SMAD5: variants seen among roughly 807,000 people sequenced by gnomAD.
The protein encoded by SMAD5 is MAD, mothers against decapentaplegic homolog 5.
SMAD5 carries 9 observed loss-of-function variants against 43.1 expected under a neutral mutation model. The observed-to-expected ratio is 0.21, with a 90% CI of 0.13 to 0.36. SMAD5 has a LOEUF of 0.36. Among genes scored for constraint, SMAD5 ranks in the 10% least tolerant of loss-of-function variants. SMAD5 has a pLI of 1.00. For synonymous variants in SMAD5, 190 were observed against 192.4 expected (o/e 0.99, Z 0.10); for missense variants, 348 against 574.0 (o/e 0.61, Z 4.02).
At position 136,181,828 on chromosome 5, in the gene SMAD5, T is replaced by C. The variant is rs1481168260; in HGVS notation, c.*4348T>C. On this transcript the variant is annotated 3_prime_UTR_variant, in exon 8 of 8. Coordinates refer to ENST00000545279, the MANE Select transcript of SMAD5 (RefSeq NM_005903.7). ...TATAATTGAAATGACAGCCCAAAAT[T>C]GGATGGTTTACCAAAACCAATGAAA... is the stretch of plus-strand genomic sequence containing the variant. 4 of 152,202 alleles carry C rather than the reference T, an allele frequency of 2.6e-5. No homozygotes were observed. Among genetic ancestry groups the C allele is most frequent in the African/African-American group, 9.6e-5 (4 of 41,466 alleles). The allele number at this position is 152,202 out of a possible 1,614,324, so 9.4% of individuals were successfully genotyped here.
At chr5:136,172,813 G>A (rs561466486) in intron 6 of SMAD5, 158 bp downstream of exon 6, 532 of 606,136 alleles carry the variant, frequency 8.8e-4, no homozygotes, top group Non-Finnish European at 1.4e-3. Flanking sequence ...ATCAAATAAA[G>A]ACATGATGTT....
intron 2 of SMAD5, among the ~76,000 whole-genome samples, chr5:136,149,985 C>T (rs1424044484): frequency 1.3e-5 from 2 of 151,758 alleles, no homozygotes; most frequent in Non-Finnish European, 2.9e-5. Context: ...TCTTTGTTTA[C>T]ATTCTCTTTA....
Position 136,177,327 on chromosome 5 carries a change from A to G in SMAD5, c.1255-10A>G. The G allele has an allele frequency of 6.2e-7, 1 of 1,613,378 alleles. No homozygotes were observed. On this transcript the variant is annotated splice_polypyrimidine_tract_variant and intron_variant, in intron 7 of 7. Coordinates refer to ENST00000545279, the MANE Select transcript of SMAD5 (RefSeq NM_005903.7). ...GAGGGATTTGTGATGATATCTGTTC[A>G]TTTTCATAGGGTTGGGGAGCAGAAT... is the stretch of plus-strand genomic sequence containing the variant.
At chr5:136,143,262 A>G (rs1402133138) in intron 1 of SMAD5, among the ~76,000 whole-genome samples, 1 of 143,552 alleles carries the variant, frequency 7.0e-6, no homozygotes, top group Non-Finnish European at 1.5e-5. Context: ...CATCCCTCGT[A>G]TCTCTTTTTT....
intron 1 of SMAD5, among the ~76,000 whole-genome samples, chr5:136,147,053 G>T (rs1753281706): frequency 6.6e-6 from 1 of 151,540 alleles, no homozygotes; most frequent in Non-Finnish European, 1.5e-5. Flanking sequence ...ATGATTATAG[G>T]TGAGTATACT....
chr5:136,139,627 G>C (rs1405977581), intron 1 of SMAD5, among the ~76,000 whole-genome samples: 1 of 152,060 alleles, frequency 6.6e-6, no homozygotes, highest in Non-Finnish European at 1.5e-5. Context: ...CTGCATCTCT[G>C]AACTGGTCTC....
chr5:136,154,717 T>C (rs1753576173), intron 3 of SMAD5, among the ~76,000 whole-genome samples: 1 of 152,190 alleles, frequency 6.6e-6, no homozygotes. Context: ...TTATGTTTCA[T>C]TTTTTTCTTG....
intron 3 of SMAD5, among the ~76,000 whole-genome samples, chr5:136,154,783 G>A (rs1753578934): frequency 6.6e-6 from 1 of 151,930 alleles, no homozygotes; most frequent in African/African-American, 2.4e-5. Flanking sequence ...GATCACTAGT[G>A]ACTGCCTTTT....
chr5:136,154,163 G>T lies in SMAD5; in HGVS notation c.403G>T (p.Val135Phe), dbSNP rs868480507. ...PYHYKRVESP[V>F]LPPVLVPRHN... Reference sequence around the variant, plus strand: ...CCACTATAAGAGAGTGGAGAGTCCAGGTAGGTCTTATTCCTGAGAAGAATT... The same window carrying T: ...CCACTATAAGAGAGTGGAGAGTCCATGTAGGTCTTATTCCTGAGAAGAATT... Residue 135 changes from valine (V) to phenylalanine (F), a missense_variant and splice_region_variant, in exon 3 of 8, where the codon GTC becomes TTC. This residue lies in a region of SMAD5 where 185 missense variants were observed against 207.0 expected (regional missense o/e 0.89). Transcript: ENST00000545279. The T allele has an allele frequency of 6.6e-7, 1 of 1,518,370 alleles. No homozygotes were observed. The highest frequency in any genetic ancestry group is 2.4e-5 in the East Asian group (1 of 42,246). 94.1% of individuals were successfully genotyped at this position (1,518,370 alleles called of 1,614,324 possible).
chr5:136,164,542 G>A (rs1753931480), intron 5 of SMAD5, among the ~76,000 whole-genome samples: 1 of 152,168 alleles, frequency 6.6e-6, no homozygotes, highest in African/African-American at 2.4e-5. Flanking sequence ...CTTCTTTGAT[G>A]TGTTTATTTT....
intron 7 of SMAD5, among the ~76,000 whole-genome samples, chr5:136,176,530 T>A (rs1754428014): frequency 6.6e-6 from 1 of 151,576 alleles, no homozygotes; most frequent in African/African-American, 2.4e-5. Context: ...ATTTATGATT[T>A]TGATTTTGAT....
In SMAD5 at chr5:136,177,316, G is replaced by A. The variant is rs749159511; in HGVS notation, c.1255-21G>A. The A allele has an allele frequency of 1.9e-6, 3 of 1,611,958 alleles. No individual in the cohort carries two copies. In the East Asian group the frequency reaches 6.7e-5, roughly 36 times the overall value. ...GACAGTTTAAAGAGGGATTTGTGAT[G>A]ATATCTGTTCATTTTCATAGGGTTG... On this transcript the variant is annotated intron_variant, in intron 7 of 7. Coordinates refer to ENST00000545279, the MANE Select transcript of SMAD5 (RefSeq NM_005903.7).
At chr5:136,168,232 A>G (rs1299883851) in intron 5 of SMAD5, among the ~76,000 whole-genome samples, 1 of 152,150 alleles carries the variant, frequency 6.6e-6, no homozygotes, top group Non-Finnish European at 1.5e-5. Flanking sequence ...TAGAGCTTCC[A>G]TGTATCTCTT....
intron 1 of SMAD5, 195 bp downstream of exon 1, chr5:136,133,157 G>C (rs908759509): frequency 1.3e-5 from 2 of 152,474 alleles, no homozygotes; most frequent in African/African-American, 4.8e-5. Context: ...CCCAGCGGCT[G>C]CGGAGGCCTC....
At chr5:136,155,601 C>T (rs1753608739) in intron 3 of SMAD5, among the ~76,000 whole-genome samples, 1 of 152,180 alleles carries the variant, frequency 6.6e-6, no homozygotes, top group Middle Eastern at 3.2e-3. Flanking sequence ...TCTGTATGAC[C>T]TATCCTCAGA....
chr5:136,139,827 A>C lies in SMAD5; in HGVS notation c.-245+6865A>C, dbSNP rs7707161. Among the ~76,000 whole-genome samples the C allele has an allele frequency of 4.5e-3, 684 of 150,844 alleles. 7 individuals are homozygous for C. Among genetic ancestry groups the C allele is most frequent in the African/African-American group, 0.016 (640 of 41,128 alleles). On this transcript the variant is annotated intron_variant, in intron 1 of 7. Coordinates refer to ENST00000545279, the MANE Select transcript of SMAD5 (RefSeq NM_005903.7). ...CCTCCCACCTCAGCCTCCTAAGTAG[A>C]TGGGATCACAGGCATGTGCCACTGC...
chr5:136,165,178 G>A (rs1753952998), intron 5 of SMAD5, among the ~76,000 whole-genome samples: 1 of 151,774 alleles, frequency 6.6e-6, no homozygotes, highest in South Asian at 2.1e-4. Context: ...ACAGAGTCTT[G>A]CTCTGTCATG....
chr5:136,180,464 A>G lies in SMAD5; in HGVS notation c.*2984A>G, dbSNP rs1476917632. On this transcript the variant is annotated 3_prime_UTR_variant, in exon 8 of 8. Transcript: ENST00000545279. ...CTCAGTAATGAATTAAAGCAACAAA[A>G]AGATATTGATTGGCAAAAAGCAAGA... 4 of 152,138 alleles carry G rather than the reference A, an allele frequency of 2.6e-5. No individual in the cohort carries two copies. Among genetic ancestry groups the G allele is most frequent in the African/African-American group, 9.7e-5 (4 of 41,448 alleles). The allele number at this position is 152,138 out of a possible 1,614,324, so 9.4% of individuals were successfully genotyped here.
At position 136,180,041 on chromosome 5, in the gene SMAD5, A is replaced by G. The variant is rs1022008895; in HGVS notation, c.*2561A>G. 6.6e-6 allele frequency: 1 copy of G among 152,140 alleles called. No individual in the cohort carries two copies. 9.4% of individuals were successfully genotyped at this position (152,140 alleles called of 1,614,324 possible). A position where few individuals can be genotyped will look rare whatever the true frequency, so the allele number is the denominator to read the frequency against. On this transcript the variant is annotated 3_prime_UTR_variant, in exon 8 of 8. Coordinates refer to ENST00000545279, the MANE Select transcript of SMAD5 (RefSeq NM_005903.7). Reference sequence around the variant, plus strand: ...TCTCATGAATGACAGTACTAAAGCTATTAACAACTAAGAGTTTGACAGAGA... The same window carrying G: ...TCTCATGAATGACAGTACTAAAGCTGTTAACAACTAAGAGTTTGACAGAGA...
Sources: allele counts gnomAD v4.1 joint callset (sites outside exome capture counted in the v4.1 genomes callset), GRCh38; gene constraint gnomAD v4.1.1; regional missense constraint gnomAD v4.1.1; transcripts MANE v1.5; gene names NCBI Gene and HGNC (gene_info 2026-07-23, HGNC 2026-07-21).